The following CNTN1 variants were observed in gnomAD, a reference collection of about 807,000 sequenced individuals.
The protein encoded by CNTN1 is contactin 1, also known as contactin-1.
In CNTN1, 38 loss-of-function variants were observed where a neutral mutation model predicts 126.4. The observed-to-expected ratio is 0.30, with a 90% CI of 0.23 to 0.39. The LOEUF (loss-of-function observed/expected upper bound fraction) is 0.39, where lower values mean the gene tolerates loss of function less well. CNTN1 is among the 10% of genes least tolerant of loss of function. The pLI is 1.00. For missense variants in CNTN1, 1,009 were observed against 1,248.4 expected (o/e 0.81, Z 2.89); for synonymous variants, 413 against 422.6 (o/e 0.98, Z 0.28).
At chr12:40,863,336 T>G (rs1262177768) in intron 1 of CNTN1, among the ~76,000 whole-genome samples, 1 of 152,202 alleles carries the variant, frequency 6.6e-6, no homozygotes, top group Non-Finnish European at 1.5e-5. Context: ...TAATTTATAA[T>G]TCTAATTCTA....
chr12:40,733,666 A>T (rs997309530), intron 1 of CNTN1, among the ~76,000 whole-genome samples: 9 of 152,006 alleles, frequency 5.9e-5, no homozygotes, highest in African/African-American at 1.9e-4. Flanking sequence ...AATTTGATAA[A>T]AAAAAGTATA....
At chr12:40,851,028 G>C (rs944802464) in intron 1 of CNTN1, among the ~76,000 whole-genome samples, 3 of 152,106 alleles carry the variant, frequency 2.0e-5, no homozygotes, top group African/African-American at 7.2e-5. Context: ...TCAGATTTTA[G>C]GGCATGAAAT....
chr12:41,051,301 C>T (rs558720165), intron 23 of CNTN1, among the ~76,000 whole-genome samples: 110 of 151,288 alleles, frequency 7.3e-4, no homozygotes, highest in African/African-American at 2.5e-3. Flanking sequence ...GTGCCCGCCA[C>T]CATGCCCAGA....
chr12:40,856,231 C>A (rs1942901538), intron 1 of CNTN1, among the ~76,000 whole-genome samples: 1 of 151,974 alleles, frequency 6.6e-6, no homozygotes, highest in African/African-American at 2.4e-5. Flanking sequence ...AATATATATA[C>A]ACCAGTTTAA....
chr12:40,951,073 A>C (rs1398346099), intron 14 of CNTN1, among the ~76,000 whole-genome samples: 3 of 152,116 alleles, frequency 2.0e-5, no homozygotes, highest in African/African-American at 7.2e-5. Flanking sequence ...AAACCATATA[A>C]ATTAAATGAT....
rs10879390 is a variant in CNTN1 at position 40,944,291 on chromosome 12, G to A, written c.1683+121G>A. 0.12 allele frequency: 105,706 copies of A among 907,498 alleles called. 6,359 individuals are homozygous for A. Among genetic ancestry groups the A allele is most frequent in the Non-Finnish European group, 0.12 (72,263 of 586,154 alleles). The allele number at this position is 907,498 out of a possible 1,614,324, so 56.2% of individuals were successfully genotyped here. ...TGTTTTTCATGAGACCAAAAAGCAG[G>A]CAAAAAAGCTTTCTGTGGTTCTCCT... is the stretch of plus-strand genomic sequence containing the variant. On this transcript the variant is annotated intron_variant, in intron 14 of 23. Coordinates refer to ENST00000551295, the MANE Select transcript of CNTN1 (RefSeq NM_001843.4).
intron 1 of CNTN1, among the ~76,000 whole-genome samples, chr12:40,823,649 C>T (rs1941518891): frequency 6.6e-6 from 1 of 152,054 alleles, no homozygotes; most frequent in Non-Finnish European, 1.5e-5. Context: ...GTTTACTTAT[C>T]CACATTTCAG....
At chr12:40,721,410 A>G (rs1472234767) in intron 1 of CNTN1, among the ~76,000 whole-genome samples, 1 of 152,160 alleles carries the variant, frequency 6.6e-6, no homozygotes, top group Non-Finnish European at 1.5e-5. Context: ...CTCTAAAAAC[A>G]TCAACTTATT....
intron 15 of CNTN1, chr12:40,972,688 C>G: frequency 3.1e-6 from 3 of 961,440 alleles, no homozygotes; most frequent in Non-Finnish European, 3.7e-6. Flanking sequence ...AAGGAGCTAT[C>G]TTAGAACTTA....
chr12:40,901,293 A>T (rs923400212), intron 1 of CNTN1, among the ~76,000 whole-genome samples: 2 of 152,194 alleles, frequency 1.3e-5, no homozygotes, highest in Non-Finnish European at 2.9e-5. Flanking sequence ...CATAAAAAGG[A>T]TTTTTTATAT....
In CNTN1 at chr12:40,922,364, C is replaced by T; in HGVS notation, c.336C>T (p.Tyr112=). The T allele has an allele frequency of 6.2e-7, 1 of 1,613,932 alleles. No individual in the cohort carries two copies. The highest frequency in any genetic ancestry group is 1.1e-5 in the South Asian group (1 of 91,082). The change falls in exon 5 of 24, where the codon TAC becomes TAT. Residue 112 remains tyrosine (Y), a synonymous_variant. Transcript: ENST00000551295. ...ACAAACAGAAAGATGCTGGAATATACTACTGTTTAGCATCTAATAACTACG... is the reference window on the plus strand; with the variant it reads ...ACAAACAGAAAGATGCTGGAATATATTACTGTTTAGCATCTAATAACTACG... ...NPDKQKDAGI[Y]YCLASNNYGM...
At chr12:40,791,647 C>A (rs991525055) in intron 1 of CNTN1, among the ~76,000 whole-genome samples, 1 of 151,954 alleles carries the variant, frequency 6.6e-6, no homozygotes, top group Non-Finnish European at 1.5e-5. Flanking sequence ...CATTTTTAAC[C>A]CTCACAAAAA....
intron 1 of CNTN1, among the ~76,000 whole-genome samples, chr12:40,740,574 C>A (rs1043015281): frequency 6.6e-6 from 1 of 152,082 alleles, no homozygotes; most frequent in African/African-American, 2.4e-5. Flanking sequence ...TAGGGCCCAG[C>A]CTTGGCCTCC....
intron 17 of CNTN1, among the ~76,000 whole-genome samples, chr12:40,998,523 C>G (rs954531426): frequency 1.3e-5 from 2 of 152,092 alleles, no homozygotes; most frequent in Non-Finnish European, 1.5e-5. Context: ...ATGGGAACAT[C>G]ATTTTAACAT....
chr12:40,881,642 A>G (rs1429928294), intron 1 of CNTN1, among the ~76,000 whole-genome samples: 1 of 151,898 alleles, frequency 6.6e-6, no homozygotes, highest in African/African-American at 2.4e-5. Context: ...ATTACTTCCT[A>G]AGAAGGATCA....
At chr12:41,029,843 A>G (rs190940017) in intron 23 of CNTN1, among the ~76,000 whole-genome samples, 8 of 152,110 alleles carry the variant, frequency 5.3e-5, no homozygotes, top group Non-Finnish European at 1.0e-4. Flanking sequence ...TTCCTTTTCT[A>G]CAAACTCTAT....
chr12:41,006,631 A>G lies in CNTN1; in HGVS notation c.2114-7597A>G, dbSNP rs370574909. Among the ~76,000 whole-genome samples the G allele has an allele frequency of 3.9e-5, 6 of 152,368 alleles. No homozygotes were observed. In the East Asian group the frequency reaches 1.2e-3, roughly 29 times the overall value. On this transcript the variant is annotated intron_variant, in intron 17 of 23. Coordinates refer to ENST00000551295, the MANE Select transcript of CNTN1 (RefSeq NM_001843.4). ...GAAGTTTTCATGTAGGTATCTTTGA[A>G]TCACAATTATTAGGAGCTACAATTC...
rs57273919 is a variant in CNTN1 at position 40,737,359 on chromosome 12, G to GTATATATATATA, written c.-77+44779_-77+44790dup. Among the ~76,000 whole-genome samples, 233 of 113,244 alleles carry GTATATATATATA rather than the reference G, an allele frequency of 2.1e-3. 2 individuals are homozygous for GTATATATATATA. The highest frequency in any genetic ancestry group is 3.5e-3 in the Admixed American group (36 of 10,206). The allele number at this position is 113,244 out of a possible 152,430, so 74.3% of individuals were successfully genotyped here. A position where few individuals can be genotyped will look rare whatever the true frequency, so the allele number is the denominator to read the frequency against. On this transcript the variant is annotated intron_variant, in intron 1 of 23. Coordinates refer to ENST00000551295, the MANE Select transcript of CNTN1 (RefSeq NM_001843.4). Reference sequence around the variant, plus strand: ...TGTGTGTGTGTATATATGTGTGTGTGTATATATATATATATATATATATGA... The same window carrying GTATATATATATA: ...TGTGTGTGTGTATATATGTGTGTGTGTATATATATATATATATATATATATATATATATATGA...
intron 22 of CNTN1, among the ~76,000 whole-genome samples, 177 bp from the exon 23 acceptor site, chr12:41,028,886 G>A (rs1338069989): frequency 6.6e-6 from 1 of 152,000 alleles, no homozygotes; most frequent in African/African-American, 2.4e-5. Flanking sequence ...ATCAACTATT[G>A]TGAATTGAAA....
Sources: gnomAD v4.1 joint callset for allele counts (sites outside exome capture counted in the v4.1 genomes callset) on GRCh38, gnomAD v4.1.1 for gene constraint, MANE v1.5 for transcripts, NCBI Gene and HGNC (gene_info 2026-07-23, HGNC 2026-07-21) for gene names.